Variants in ZBTB45 observed in about 807,000 individuals in gnomAD.
ZBTB45 encodes the protein zinc finger and BTB domain-containing protein 45.
Under a neutral mutation model 28.4 loss-of-function variants are expected in ZBTB45, and 22 were observed. That is an observed-to-expected ratio of 0.77 (90% CI 0.55 to 1.10). The LOEUF (loss-of-function observed/expected upper bound fraction) is 1.10, where lower values mean the gene tolerates loss of function less well. Ranked by LOEUF, ZBTB45 falls within the 50% of genes least tolerant of loss-of-function variation. The probability of loss-of-function intolerance (pLI) is 0.00; values close to 1 mark genes in which losing one functional copy is unlikely to be tolerated. For synonymous variants in ZBTB45, 361 were observed against 332.3 expected (o/e 1.09, Z -0.94); for missense variants, 656 against 750.2 (o/e 0.87, Z 1.47).
At chr19:58,518,182 C>G (rs1356942986) in intron 1 of ZBTB45, among the ~76,000 whole-genome samples, 2 of 152,328 alleles carry the variant, frequency 1.3e-5, no homozygotes, top group East Asian at 3.9e-4. Context: ...CCCCTGCTGA[C>G]AGCTCCTTTT....
At chr19:58,524,756 G>A (rs976913378), upstream of ZBTB45, among the ~76,000 whole-genome samples, 4 of 151,468 alleles carry the variant, frequency 2.6e-5, no homozygotes, top group Admixed American at 6.6e-5. Flanking sequence ...GGTGGCAGGC[G>A]CCTGTAGTCC....
At chr19:58,527,398 T>G (rs1600068304) in intron 1 of ZBTB45, among the ~76,000 whole-genome samples, 1 of 152,236 alleles carries the variant, frequency 6.6e-6, no homozygotes. Context: ...ATCACCTCCA[T>G]GAGATTGCTC....
intron 1 of ZBTB45, among the ~76,000 whole-genome samples, chr19:58,525,518 A>G (rs2053602704): frequency 6.6e-6 from 1 of 152,160 alleles, no homozygotes; most frequent in Admixed American, 6.5e-5. Context: ...CAATGGCAGG[A>G]TCCCCTGTAT....
intron 1 of ZBTB45, among the ~76,000 whole-genome samples, chr19:58,534,908 G>A (rs1296054238): frequency 6.7e-6 from 1 of 148,928 alleles, no homozygotes; most frequent in Non-Finnish European, 1.5e-5. Context: ...AGGCTGGAGT[G>A]CAATGGCATG....
Position 58,514,249 on chromosome 19 carries a change from G to A in ZBTB45, c.1341C>T (p.Leu447=), listed in dbSNP as rs530290313. ...WRSFSLRDYL[L]KHMVTHTGVR... ...CGCCGGTGTGCGTGACCATGTGTTT[G>A]AGCAGGTAGTCGCGTAGAGAGAAGG... The change falls in exon 3 of 3, where the codon CTC becomes CTT. Residue 447 remains leucine, a synonymous_variant. Coordinates refer to ENST00000594051, the MANE Select transcript of ZBTB45 (RefSeq NM_001316979.2). 108 of 1,612,226 alleles carry A rather than the reference G, an allele frequency of 6.7e-5. No homozygotes were observed. Among genetic ancestry groups the A allele is most frequent in the Non-Finnish European group, 9.1e-5 (107 of 1,179,380 alleles).
Position 58,515,915 on chromosome 19 carries a change from C to T in ZBTB45, c.1279+480G>A, listed in dbSNP as rs2053486659. 6.6e-6 allele frequency among the ~76,000 whole-genome samples: 1 copy of T among 152,158 alleles called. No homozygotes were observed. The highest frequency in any genetic ancestry group is 2.1e-4 in the South Asian group (1 of 4,832). Reference sequence around the variant, plus strand: ...TGTTTTCCTACTCATGCCCCAGTCTCAGGAGTTCCTGGGGCCTTCATCCCA... The same window carrying T: ...TGTTTTCCTACTCATGCCCCAGTCTTAGGAGTTCCTGGGGCCTTCATCCCA... On this transcript the variant is annotated intron_variant, in intron 2 of 2. Transcript: ENST00000594051. This position sits in a 1 kb window ranked among gnomAD's most constrained non-coding sequence, Gnocchi z 4.7.
intron 1 of ZBTB45, among the ~76,000 whole-genome samples, chr19:58,526,366 T>G (rs1239089083): frequency 6.8e-6 from 1 of 147,162 alleles, no homozygotes; most frequent in Non-Finnish European, 1.5e-5. Context: ...CCTGCCACCA[T>G]GTCCAGTTAA....
In ZBTB45 at chr19:58,514,163, A is replaced by C. The variant is rs777643054; in HGVS notation, c.1427T>G (p.Val476Gly). The part of the protein sequence containing the change: ...KRFTQKSSLN[V>G]HMRTHRPERA... ...CTCGGGCCGGTGAGTGCGCATGTGC[A>C]CGTTGAGCGAGCTCTTCTGCGTGAA... The change falls in exon 3 of 3, where the codon GTG becomes GGG. Residue 476 changes from valine to glycine, a missense_variant. Physicochemically the swap from Val to Gly is moderately radical, Grantham distance 109 (BLOSUM62 -3). This residue lies in a region of ZBTB45 where 103 missense variants were observed against 153.5 expected (regional missense o/e 0.67). Transcript: ENST00000594051. The C allele has an allele frequency of 6.2e-7, 1 of 1,611,424 alleles. No homozygotes were observed. Among genetic ancestry groups the C allele is most frequent in the South Asian group, 1.1e-5 (1 of 91,004 alleles).
intron 1 of ZBTB45, among the ~76,000 whole-genome samples, chr19:58,518,656 C>A (rs2053546219): frequency 6.6e-6 from 1 of 152,062 alleles, no homozygotes; most frequent in African/African-American, 2.4e-5. Flanking sequence ...CTGAGGAGTT[C>A]TGCTACTCCA....
chr19:58,517,786 C>A, intron 1 of ZBTB45, 113 bp from the exon 2 acceptor site: 1 of 967,552 alleles, frequency 1.0e-6, no homozygotes. Context: ...CACCACACTC[C>A]AAGGCGCGCT....
rs1004889789 is a variant in ZBTB45 at position 58,514,224 on chromosome 19, C to T, written c.1366G>A (p.Val456Met). The T allele has an allele frequency of 1.2e-6, 2 of 1,612,550 alleles. No homozygotes were observed. Among genetic ancestry groups the T allele is most frequent in the Admixed American group, 1.7e-5 (1 of 59,994 alleles). ...LLKHMVTHTGVRAFQCAVCAK... is the reference protein window; with the variant it reads ...LLKHMVTHTGMRAFQCAVCAK... ...CAGACGGCGCACTGGAAGGCGCGCA[C>T]GCCGGTGTGCGTGACCATGTGTTTG... The change falls in exon 3 of 3, where the codon GTG becomes ATG. Residue 456 changes from valine to methionine, a missense_variant. This residue lies in a region of ZBTB45 where 103 missense variants were observed against 153.5 expected (regional missense o/e 0.67). Transcript: ENST00000594051.
Position 58,530,401 on chromosome 19 carries a change from G to A in ZBTB45, c.-1+8300C>T, listed in dbSNP as rs182950699. Among the ~76,000 whole-genome samples the A allele has an allele frequency of 1.7e-4, 26 of 152,174 alleles. No individual in the cohort carries two copies. The East Asian group carries it at 4.4e-3, about 26-fold the overall frequency. ...CGGCTCACCACAACCTCCGCCTCCA[G>A]AGTTCAAGCGATTCTCCTGCCTCGC... On this transcript the variant is annotated intron_variant, in intron 1 of 1. Transcript: ENST00000600130.
rs374408386 is a variant in ZBTB45 at position 58,517,527 on chromosome 19, G to A, written c.147C>T (p.Cys49=). The A allele has an allele frequency of 5.3e-5, 86 of 1,613,506 alleles. No homozygotes were observed. The highest frequency in any genetic ancestry group is 2.0e-4 in the African/African-American group (15 of 74,996). The change falls in exon 2 of 3, where the codon TGC becomes TGT. Residue 49 remains cysteine (C), a synonymous_variant. Coordinates refer to ENST00000594051, the MANE Select transcript of ZBTB45 (RefSeq NM_001316979.2). ...AGAAGGGTGAGCCGGCCGCCAGCAC[G>A]CAGCGGTGGGCACGCAGCGAAGCTT... ...IREASLRAHR[C]VLAAGSPFFQ... is the part of the protein sequence containing the mutation.
chr19:58,530,575 G>A (rs1158130683), intron 1 of ZBTB45, among the ~76,000 whole-genome samples: 1 of 152,100 alleles, frequency 6.6e-6, no homozygotes. Context: ...CAAAGTGTGG[G>A]GACTACAGGC....
At chr19:58,535,764 G>A (rs1464720088) in intron 1 of ZBTB45, among the ~76,000 whole-genome samples, 3 of 152,260 alleles carry the variant, frequency 2.0e-5, no homozygotes, top group South Asian at 4.2e-4. Context: ...GGCTCAAGAT[G>A]GTCATCATCT....
chr19:58,521,427 G>A (rs73066242), upstream of ZBTB45, among the ~76,000 whole-genome samples: 17 of 151,650 alleles, frequency 1.1e-4, no homozygotes, highest in Non-Finnish European at 1.9e-4. Flanking sequence ...AGAAGTGCGT[G>A]GAGCTAGATT....
chr19:58,514,922 G>C (rs368844705), intron 2 of ZBTB45, among the ~76,000 whole-genome samples: 6 of 152,284 alleles, frequency 3.9e-5, no homozygotes, highest in African/African-American at 9.6e-5. Context: ...CAGAACCCCT[G>C]CCCGCTGGCC....
At position 58,517,413 on chromosome 19, in the gene ZBTB45, C is replaced by T; in HGVS notation, c.261G>A (p.Leu87=). 1 of 1,613,016 alleles carries T rather than the reference C, an allele frequency of 6.2e-7. No individual in the cohort carries two copies. Among genetic ancestry groups the T allele is most frequent in the East Asian group, 2.2e-5 (1 of 44,868 alleles). ...AQTVRQLVEF[L]YSGSLVVAQG... is the part of the protein sequence containing the mutation. Reference sequence around the variant, plus strand: ...GCGCCACAACGAGCGAACCGCTGTACAGGAACTCTACCAGCTGTCGCACTG... The same window carrying T: ...GCGCCACAACGAGCGAACCGCTGTATAGGAACTCTACCAGCTGTCGCACTG... Residue 87 remains leucine (L), a synonymous_variant, in exon 2 of 3, where the codon CTG becomes CTA. Transcript: ENST00000594051.
chr19:58,529,084 C>CAAAAAAAAAAAAAAAA lies in ZBTB45; in HGVS notation c.-1+9601_-1+9616dup, dbSNP rs1231496438. On this transcript the variant is annotated intron_variant, in intron 1 of 1. Transcript: ENST00000600130. ...GGGCAATGAGAGCAAAACTCCATCT[C>CAAAAAAAAAAAAAAAA]AAAAAAAAAAAAAAAAAGACATTGA... Among the ~76,000 whole-genome samples the CAAAAAAAAAAAAAAAA allele has an allele frequency of 1.1e-3, 68 of 61,326 alleles. 1 individual carries two copies. Among genetic ancestry groups the CAAAAAAAAAAAAAAAA allele is most frequent in the African/African-American group, 2.6e-3 (42 of 16,146 alleles). The allele number at this position is 61,326 out of a possible 152,430, so 40.2% of individuals were successfully genotyped here.
Sources: allele counts gnomAD v4.1 joint callset (sites outside exome capture counted in the v4.1 genomes callset), GRCh38; gene constraint gnomAD v4.1.1; regional missense constraint gnomAD v4.1.1; non-coding constraint Gnocchi (gnomAD v3.1); transcripts MANE v1.5; gene names NCBI Gene and HGNC (gene_info 2026-07-23, HGNC 2026-07-21).